The following ST6GALNAC3 variants were observed in gnomAD, a reference collection of about 807,000 sequenced individuals.
The protein encoded by ST6GALNAC3 is ST6 N-acetylgalactosaminide alpha-2,6-sialyltransferase 3, also known as alpha-N-acetylgalactosaminide alpha-2,6-sialyltransferase 3.
Under a neutral mutation model 32.7 loss-of-function variants are expected in ST6GALNAC3, and 25 were observed. That is an observed-to-expected ratio of 0.76 (90% confidence interval 0.56 to 1.07). The LOEUF (loss-of-function observed/expected upper bound fraction) is 1.07. ST6GALNAC3 is among the 50% of genes least tolerant of loss of function. The probability of loss-of-function intolerance (pLI) is 0.00; values close to 1 mark genes in which losing one functional copy is unlikely to be tolerated. For missense variants in ST6GALNAC3, 355 were observed against 382.4 expected (o/e 0.93, Z 0.60); for synonymous variants, 129 against 133.1 (o/e 0.97, Z 0.21).
At chr1:76,163,954 T>A (rs1651968069) in intron 1 of ST6GALNAC3, among the ~76,000 whole-genome samples, 1 of 152,182 alleles carries the variant, frequency 6.6e-6, no homozygotes, top group Admixed American at 6.5e-5. Context: ...TTCCTCCAGA[T>A]GTATTTTGCT....
chr1:76,211,057 T>C (rs1020937379), intron 1 of ST6GALNAC3, among the ~76,000 whole-genome samples: 1 of 152,226 alleles, frequency 6.6e-6, no homozygotes, highest in Admixed American at 6.5e-5. Flanking sequence ...ACTGGTCCAT[T>C]GGATTAGGGC....
At position 76,326,192 on chromosome 1, in the gene ST6GALNAC3, G is replaced by A. The variant is rs1026260995; in HGVS notation, c.213+12193G>A. Reference sequence around the variant, plus strand: ...GTCTCTCTTCACCAATGACCATTGAGCCACCTGGGGCATATTCTTCTCATG... The same window carrying A: ...GTCTCTCTTCACCAATGACCATTGAACCACCTGGGGCATATTCTTCTCATG... On this transcript the variant is annotated intron_variant, in intron 2 of 4. Coordinates refer to ENST00000328299, the MANE Select transcript of ST6GALNAC3 (RefSeq NM_152996.4). Among the ~76,000 whole-genome samples, 6 of 152,128 alleles carry A rather than the reference G, an allele frequency of 3.9e-5. No individual in the cohort carries two copies. In the East Asian group the frequency reaches 9.7e-4, roughly 24 times the overall value.
intron 1 of ST6GALNAC3, among the ~76,000 whole-genome samples, chr1:76,285,550 A>C (rs1659730396): frequency 6.6e-6 from 1 of 152,198 alleles, no homozygotes; most frequent in Admixed American, 6.5e-5. Context: ...AAAAATAATG[A>C]ATATTTATTA....
chr1:76,627,394 CTG>C, intron 3 of ST6GALNAC3, 56 bp from the exon 4 acceptor site: 31 of 1,094,734 alleles, frequency 2.8e-5, no homozygotes, highest in Non-Finnish European at 3.2e-5. Flanking sequence ...CCTTATTGTT[CTG>C]TGTGTGTGTT....
intron 2 of ST6GALNAC3, among the ~76,000 whole-genome samples, chr1:76,351,580 G>A (rs898595644): frequency 4.0e-5 from 6 of 151,754 alleles, no homozygotes; most frequent in Non-Finnish European, 7.4e-5. Flanking sequence ...CATTTTGTTC[G>A]TTTTTCTGAC....
intron 3 of ST6GALNAC3, among the ~76,000 whole-genome samples, chr1:76,598,810 G>T (rs1298640807): frequency 6.6e-6 from 1 of 151,972 alleles, no homozygotes; most frequent in Non-Finnish European, 1.5e-5. Context: ...TAAGAGGACT[G>T]ATTAGGGCAT....
At chr1:76,513,511 C>G (rs1007866162) in intron 3 of ST6GALNAC3, among the ~76,000 whole-genome samples, 1 of 152,048 alleles carries the variant, frequency 6.6e-6, no homozygotes, top group African/African-American at 2.4e-5. Context: ...ATGTTAGTAC[C>G]ATAATGTCTT....
chr1:76,403,795 A>G (rs1653608089), intron 2 of ST6GALNAC3, among the ~76,000 whole-genome samples: 1 of 152,042 alleles, frequency 6.6e-6, no homozygotes, highest in African/African-American at 2.4e-5. Context: ...CTGAAAGGAG[A>G]AAAAAATAAT....
chr1:76,438,875 T>C (rs1054056890), intron 3 of ST6GALNAC3, among the ~76,000 whole-genome samples: 1 of 151,938 alleles, frequency 6.6e-6, no homozygotes, highest in Admixed American at 6.6e-5. Flanking sequence ...AAACAAATGG[T>C]TTTTTAGTCA....
At chr1:76,165,665 A>G (rs1478755942) in intron 1 of ST6GALNAC3, among the ~76,000 whole-genome samples, 1 of 152,100 alleles carries the variant, frequency 6.6e-6, no homozygotes, top group Non-Finnish European at 1.5e-5. Context: ...TTTCTCCACA[A>G]CTTCACCAGC....
chr1:76,428,133 T>C (rs1288337189), intron 3 of ST6GALNAC3, among the ~76,000 whole-genome samples: 2 of 152,130 alleles, frequency 1.3e-5, no homozygotes, highest in Non-Finnish European at 2.9e-5. Flanking sequence ...CCTTTTCCTT[T>C]GTTATAATAA....
intron 3 of ST6GALNAC3, among the ~76,000 whole-genome samples, chr1:76,418,441 C>A (rs1220348937): frequency 1.3e-5 from 2 of 151,980 alleles, no homozygotes; most frequent in Non-Finnish European, 2.9e-5. Flanking sequence ...CTTAGAGTCG[C>A]CATGGGGTAC....
intron 3 of ST6GALNAC3, among the ~76,000 whole-genome samples, chr1:76,511,799 A>T (rs1188005869): frequency 6.6e-6 from 1 of 152,254 alleles, no homozygotes; most frequent in Non-Finnish European, 1.5e-5. Context: ...AGTGAAAATG[A>T]ATATCAAAAT....
intron 1 of ST6GALNAC3, among the ~76,000 whole-genome samples, chr1:76,291,614 T>C (rs557714596): frequency 5.3e-5 from 8 of 152,222 alleles, no homozygotes; most frequent in Non-Finnish European, 8.8e-5. Context: ...ACAAAATAAG[T>C]AGTAGCTCCT....
chr1:76,198,320 G>T (rs1654325427), intron 1 of ST6GALNAC3, among the ~76,000 whole-genome samples: 1 of 152,206 alleles, frequency 6.6e-6, no homozygotes, highest in Non-Finnish European at 1.5e-5. Context: ...ACAGGTGTGA[G>T]CCACCATACC....
intron 3 of ST6GALNAC3, among the ~76,000 whole-genome samples, chr1:76,550,168 T>C (rs1341236367): frequency 1.3e-5 from 2 of 152,340 alleles, no homozygotes; most frequent in South Asian, 2.1e-4. Context: ...CAGTATTCAA[T>C]TTTAATATCA....
At chr1:76,590,887 G>T (rs1317737489) in intron 3 of ST6GALNAC3, among the ~76,000 whole-genome samples, 2 of 152,088 alleles carry the variant, frequency 1.3e-5, no homozygotes, top group Admixed American at 1.3e-4. Context: ...TAAAGTAGAT[G>T]ATTCATTTGA....
At chr1:76,524,071 T>C (rs1570094290) in intron 3 of ST6GALNAC3, among the ~76,000 whole-genome samples, 1 of 152,328 alleles carries the variant, frequency 6.6e-6, no homozygotes, top group Non-Finnish European at 1.5e-5. Flanking sequence ...TTTAAACAGA[T>C]GATTTTTGTG....
At chr1:76,153,678 G>C (rs540870246) in intron 1 of ST6GALNAC3, among the ~76,000 whole-genome samples, 1 of 152,140 alleles carries the variant, frequency 6.6e-6, no homozygotes, top group African/African-American at 2.4e-5. Context: ...GTGTTGCTAA[G>C]TTTTAAACAT....
Sources: gnomAD v4.1 joint callset for allele counts (sites outside exome capture counted in the v4.1 genomes callset) on GRCh38, gnomAD v4.1.1 for gene constraint, MANE v1.5 for transcripts, NCBI Gene and HGNC (gene_info 2026-07-23, HGNC 2026-07-21) for gene names.